Variants in MYO10 observed in about 807,000 individuals in gnomAD.
The protein encoded by MYO10 is myosin X.
MYO10 carries 133 observed loss-of-function variants against 257.3 expected under a neutral mutation model. That is an observed-to-expected ratio of 0.52 (90% CI 0.45 to 0.60). The LOEUF is 0.60. Ranked by LOEUF, MYO10 falls within the 20% of genes least tolerant of loss-of-function variation. The probability of loss-of-function intolerance (pLI) is 0.00; values close to 1 mark genes in which losing one functional copy is unlikely to be tolerated. For synonymous variants in MYO10, 1,104 were observed against 1,028.6 expected, an observed-to-expected ratio of 1.07 and a Z score of -1.40; for missense variants, 2,399 against 2,635.7, an observed-to-expected ratio of 0.91 and a Z score of 1.97.
intron 19 of MYO10, among the ~76,000 whole-genome samples, chr5:16,737,673 C>T (rs546430632): frequency 5.1e-4 from 77 of 152,234 alleles, no homozygotes; most frequent in East Asian, 2.9e-3. Flanking sequence ...CATCGACAGC[C>T]CAGTGGTTTT....
Position 16,672,675 on chromosome 5 carries a change from G to GA in MYO10, c.5309+13dup. 1 of 1,613,890 alleles carries GA rather than the reference G, an allele frequency of 6.2e-7. No homozygotes were observed. The highest frequency in any genetic ancestry group is 2.2e-5 in the East Asian group (1 of 44,888). Reference sequence around the variant, plus strand: ...TTATTTGCTCTTCTGACACAGTAGGGAAAAGGAACCTACTTTTCAAACTTG... The same window carrying GA: ...TTATTTGCTCTTCTGACACAGTAGGGAAAAAGGAACCTACTTTTCAAACTTG... On this transcript the variant is annotated intron_variant, in intron 37 of 40. Coordinates refer to ENST00000513610, the MANE Select transcript of MYO10 (RefSeq NM_012334.3).
chr5:16,786,330 T>C (rs1056576701), intron 4 of MYO10, among the ~76,000 whole-genome samples: 2 of 152,016 alleles, frequency 1.3e-5, no homozygotes, highest in Admixed American at 6.6e-5. Flanking sequence ...GCTTCAAGAG[T>C]GTATGACACA....
intron 2 of MYO10, among the ~76,000 whole-genome samples, chr5:16,824,172 G>A (rs1366662983): frequency 2.6e-5 from 4 of 152,116 alleles, no homozygotes; most frequent in African/African-American, 4.8e-5. Flanking sequence ...TTTTCCAACT[G>A]AAGGGAAATT....
Position 16,710,948 on chromosome 5 carries a change from T to A in MYO10, c.2129A>T (p.Tyr710Phe), listed in dbSNP as rs977679190. The change falls in exon 21 of 41, where the codon TAT becomes TTT. Residue 710 changes from tyrosine (Y) to phenylalanine (F), a missense_variant. Physicochemically the swap from Tyr to Phe is conservative, Grantham distance 22. Coordinates refer to ENST00000513610, the MANE Select transcript of MYO10 (RefSeq NM_012334.3). Reference protein sequence around the residue: ...RGKCTSLLQLYDASNSEWQLG... With the variant: ...RGKCTSLLQLFDASNSEWQLG... ...CTGCCACTCGCTGTTGGAGGCATCA[T>A]AGAGCTGCAGCAGGCTCGTGCACTT... 1 of 1,613,754 alleles carries A rather than the reference T, an allele frequency of 6.2e-7. No homozygotes were observed. The highest frequency in any genetic ancestry group is 1.3e-5 in the African/African-American group (1 of 74,912).
Position 16,766,210 on chromosome 5 carries a change from A to G in MYO10, c.1061-12T>C, listed in dbSNP as rs748313531. Reference sequence around the variant, plus strand: ...AGATCTGCCCAAAGCTGCAGAGAATAAGACAAAGGTGAATGAACCCACCGC... The same window carrying G: ...AGATCTGCCCAAAGCTGCAGAGAATGAGACAAAGGTGAATGAACCCACCGC... On this transcript the variant is annotated splice_polypyrimidine_tract_variant and intron_variant, in intron 10 of 40. Transcript: ENST00000513610. 6.2e-6 allele frequency: 10 copies of G among 1,602,278 alleles called. No homozygotes were observed. In the African/African-American group the frequency reaches 6.7e-5, roughly 11 times the overall value.
rs1736078374 is a variant in MYO10 at position 16,664,394 on chromosome 5, TCTTTC to T, written c.*2293_*2297del. ...AGTAGAAAGAAGACTTCTGTCAAAT[TCTTTC>T]TGAGCCTAAAATAAAAACAAAGACA... On this transcript the variant is annotated 3_prime_UTR_variant, in exon 41 of 41. Transcript: ENST00000513610. The T allele has an allele frequency of 6.6e-6, 1 of 152,170 alleles. No individual in the cohort carries two copies. 9.4% of individuals were successfully genotyped at this position (152,170 alleles called of 1,614,324 possible).
chr5:16,773,661 C>CAA (rs35170602), intron 9 of MYO10, among the ~76,000 whole-genome samples: 1,371 of 112,874 alleles, frequency 0.012, 16 homozygotes, highest in Middle Eastern at 0.039. Flanking sequence ...GACCTTGTCT[C>CAA]AAAAAAAAAA....
chr5:16,704,743 A>G (rs1738251578), intron 21 of MYO10, 58 bp from the exon 22 acceptor site: 1 of 1,345,704 alleles, frequency 7.4e-7, no homozygotes, highest in Non-Finnish European at 1.1e-6. Flanking sequence ...GAAGGAAGGC[A>G]TTTCTGAGTC....
chr5:16,697,448 T>C (rs549336153), intron 26 of MYO10, among the ~76,000 whole-genome samples: 1 of 152,298 alleles, frequency 6.6e-6, no homozygotes, highest in African/African-American at 2.4e-5. Context: ...ACTCCTGTAA[T>C]CCCAGCACTT....
rs199880155 is a variant in MYO10, at chr5:16,831,846, C to T, written c.121-13679G>A. Among the ~76,000 whole-genome samples the T allele has an allele frequency of 6.6e-5, 10 of 152,248 alleles. No individual in the cohort carries two copies. The East Asian group carries it at 1.9e-3, about 29-fold the overall frequency. The stretch of plus-strand genomic sequence containing the variant: ...AAGAACTTATTCATATAACCAAACA[C>T]CAACTGTTCCCCCAATAACCTATGG... On this transcript the variant is annotated intron_variant, in intron 2 of 40. Transcript: ENST00000513610.
rs185963590 is a variant in MYO10 at position 16,678,556 on chromosome 5, G to A, written c.4542+1391C>T. On this transcript the variant is annotated intron_variant, in intron 33 of 40. Transcript: ENST00000513610. ...GATCGCACTACCGCACTCCAGCCTGGGTGACAAGCAAGACTCCGTCCTCCG... is the reference window on the plus strand; with the variant it reads ...GATCGCACTACCGCACTCCAGCCTGAGTGACAAGCAAGACTCCGTCCTCCG... Among the ~76,000 whole-genome samples, 311 of 152,268 alleles carry A rather than the reference G, an allele frequency of 2.0e-3. 1 individual carries two copies. The highest frequency in any genetic ancestry group is 7.2e-3 in the African/African-American group (298 of 41,552).
intron 19 of MYO10, among the ~76,000 whole-genome samples, chr5:16,734,362 C>T (rs1056643469): frequency 6.6e-6 from 1 of 152,198 alleles, no homozygotes; most frequent in Non-Finnish European, 1.5e-5. Context: ...CCAAAATGAA[C>T]GTACGTCCTT....
chr5:16,860,287 C>A (rs911431313), intron 2 of MYO10, among the ~76,000 whole-genome samples: 2 of 152,140 alleles, frequency 1.3e-5, no homozygotes, highest in African/African-American at 2.4e-5. Flanking sequence ...AGTAGCTCGA[C>A]TGGAAGTAAA....
intron 19 of MYO10, among the ~76,000 whole-genome samples, chr5:16,737,557 CAGTTA>C (rs1739853604): frequency 6.6e-6 from 1 of 152,220 alleles, no homozygotes; most frequent in African/African-American, 2.4e-5. Flanking sequence ...GTAAAACACA[CAGTTA>C]AAAGCAATAA....
intron 3 of MYO10, chr5:16,815,266 G>C (rs1742569784): frequency 1.9e-6 from 1 of 528,246 alleles, no homozygotes; most frequent in African/African-American, 2.0e-5. Flanking sequence ...ACAAAGTGTT[G>C]TGGATTTCAA....
At chr5:16,708,816 G>T (rs1738464507) in intron 21 of MYO10, among the ~76,000 whole-genome samples, 1 of 152,168 alleles carries the variant, frequency 6.6e-6, no homozygotes, top group Non-Finnish European at 1.5e-5. Context: ...TTCTGCCTCA[G>T]CCTCCCAAAG....
At chr5:16,921,279 A>C (rs1745973546) in intron 1 of MYO10, among the ~76,000 whole-genome samples, 1 of 151,934 alleles carries the variant, frequency 6.6e-6, no homozygotes, top group Non-Finnish European at 1.5e-5. Context: ...TTCCTAGTGG[A>C]GAACAACTGT....
chr5:16,924,195 G>A (rs943390297), intron 1 of MYO10, among the ~76,000 whole-genome samples: 3 of 151,940 alleles, frequency 2.0e-5, no homozygotes, highest in Non-Finnish European at 4.4e-5. Flanking sequence ...GGCCTTAAAC[G>A]AACATCAACA....
chr5:16,682,825 T>C (rs183880987), intron 30 of MYO10, among the ~76,000 whole-genome samples: 1 of 152,178 alleles, frequency 6.6e-6, no homozygotes, highest in Admixed American at 6.5e-5. Context: ...TTTTCTATAG[T>C]TGGCAAGGGA....
Sources: gnomAD v4.1 joint callset for allele counts (sites outside exome capture counted in the v4.1 genomes callset) on GRCh38, gnomAD v4.1.1 for gene constraint, MANE v1.5 for transcripts, NCBI Gene and HGNC (gene_info 2026-07-23, HGNC 2026-07-21) for gene names.